POLA1: variants seen among roughly 807,000 people sequenced by gnomAD.
POLA1 encodes DNA polymerase alpha catalytic subunit.
A neutral mutation model predicts 124.0 loss-of-function variants in POLA1; 15 were observed. The observed-to-expected ratio is 0.12, with a 90% CI of 0.08 to 0.19. The LOEUF (loss-of-function observed/expected upper bound fraction) is 0.19. Ranked by LOEUF, POLA1 falls within the 10% of genes least tolerant of loss-of-function variation. The probability of loss-of-function intolerance (pLI) is 1.00; values close to 1 mark genes in which losing one functional copy is unlikely to be tolerated. For missense variants in POLA1, 886 were observed against 1,103.4 expected (o/e 0.80, Z 2.79); for synonymous variants, 408 against 389.4 (o/e 1.05, Z -0.56).
Position 24,843,615 on chromosome X carries a change from A to G in POLA1, c.3985A>G (p.Thr1329Ala). Reference protein sequence around the residue: ...IDCKASPLTFTVQLSNKLIMD... With the variant: ...IDCKASPLTFAVQLSNKLIMD... ...TTGTAAGGCTTCACCTCTGACCTTT[A>G]CAGTACAACTGAGCAACAAATTGAT... Residue 1329 changes from threonine (T) to alanine (A), a missense_variant, in exon 34 of 37, where the codon ACA (threonine) becomes GCA (alanine). Thr to Ala is a moderately conservative substitution (Grantham distance 58). Coordinates refer to ENST00000379068, the MANE Select transcript of POLA1 (RefSeq NM_001330360.2). 2.5e-6 allele frequency: 3 copies of G among 1,183,941 alleles called. No homozygotes were observed. Among genetic ancestry groups the G allele is most frequent in the Non-Finnish European group, 3.4e-6 (3 of 873,130 alleles).
At chrX:24,829,894 G>A (rs1389042077) in intron 32 of POLA1, among the ~76,000 whole-genome samples, 2 of 112,355 alleles carry the variant, frequency 1.8e-5, no homozygotes, top group African/African-American at 6.5e-5. Flanking sequence ...ACTGCAGCTA[G>A]TGAACTGACA....
rs11573380 is a variant in POLA1, at chrX:24,760,512, C to T, written c.2964+11520C>T. Among the ~76,000 whole-genome samples the T allele has an allele frequency of 6.8e-3, 765 of 111,969 alleles. 3 individuals carry two copies. Among genetic ancestry groups the T allele is most frequent in the African/African-American group, 0.023 (719 of 30,799 alleles). On this transcript the variant is annotated intron_variant, in intron 26 of 36. Transcript: ENST00000379068. ...TGGAAAAACCTACTTTTGGCAGCCT[C>T]GGCTGCCTGGTGGCTTTAGCATACC...
At chrX:24,864,739 TC>T (rs2046768932) in intron 34 of POLA1, among the ~76,000 whole-genome samples, 5 of 110,868 alleles carry the variant, frequency 4.5e-5, no homozygotes. Flanking sequence ...TTTTTTTTTT[TC>T]CTCTGAATCC....
chrX:24,927,026 C>T (rs900732352), intron 35 of POLA1, among the ~76,000 whole-genome samples: 5 of 108,063 alleles, frequency 4.6e-5, no homozygotes, highest in African/African-American at 1.0e-4. Context: ...TTAGTAGAGA[C>T]GGGGTTTCAC....
At chrX:24,740,278 C>T (rs1931549663) in intron 20 of POLA1, among the ~76,000 whole-genome samples, 1 of 111,687 alleles carries the variant, frequency 9.0e-6, no homozygotes, top group Non-Finnish European at 1.9e-5. Context: ...TTTAATTCCT[C>T]TCTCTGATAT....
At chrX:24,978,550 CTAT>C (rs1283604992) in intron 36 of POLA1, among the ~76,000 whole-genome samples, 1 of 112,026 alleles carries the variant, frequency 8.9e-6, no homozygotes, top group Admixed American at 9.4e-5. Context: ...GCACCAGACA[CTAT>C]TATAAGCATG....
At chrX:24,906,521 TGGG>T (rs1219127680) in intron 35 of POLA1, among the ~76,000 whole-genome samples, 4 of 97,281 alleles carry the variant, frequency 4.1e-5, no homozygotes, top group Non-Finnish European at 4.1e-5. Context: ...TTTGGGGACT[TGGG>T]GGGAAGGATG....
chrX:24,779,363 C>T (rs1257598655), intron 26 of POLA1, among the ~76,000 whole-genome samples: 1 of 112,325 alleles, frequency 8.9e-6, no homozygotes, highest in Non-Finnish European at 1.9e-5. Context: ...AGGCGTGGGC[C>T]ACCGCGCCCG....
chrX:24,714,090 A>G (rs182927751), intron 4 of POLA1, among the ~76,000 whole-genome samples: 1 of 112,664 alleles, frequency 8.9e-6, no homozygotes, highest in East Asian at 2.8e-4. Flanking sequence ...CATTTGGCCC[A>G]TGTTTTCTTG....
At chrX:24,784,179 A>G (rs1475737635) in intron 26 of POLA1, among the ~76,000 whole-genome samples, 1 of 102,107 alleles carries the variant, frequency 9.8e-6, no homozygotes, top group Non-Finnish European at 2.0e-5. Flanking sequence ...CAGCTTCCTG[A>G]GTAGCTGGGA....
At chrX:24,805,979 T>C (rs755908081) in intron 26 of POLA1, among the ~76,000 whole-genome samples, 7 of 107,465 alleles carry the variant, frequency 6.5e-5, no homozygotes, top group Non-Finnish European at 1.3e-4. Flanking sequence ...TAAAATGTGT[T>C]TCTTCAATGG....
chrX:24,987,042 T>A lies in POLA1; in HGVS notation c.4262-8763T>A, dbSNP rs2048487846. 4.5e-5 allele frequency among the ~76,000 whole-genome samples: 5 copies of A among 111,797 alleles called. No individual in the cohort carries two copies. The Admixed American group carries it at 4.8e-4, about 11-fold the overall frequency. On this transcript the variant is annotated intron_variant, in intron 36 of 36. Transcript: ENST00000379068. ...AAGGAATACAGCAAAAGCAATGAAA[T>A]GTCACTACTGAGATTAGGGTACAAA...
chrX:24,930,411 C>A, intron 35 of POLA1, 42 bp from the exon 36 acceptor site: 1 of 865,260 alleles, frequency 1.2e-6, no homozygotes, highest in Non-Finnish European at 1.7e-6. Flanking sequence ...TCGCTTCCCC[C>A]TCCCCAGTAG....
intron 34 of POLA1, among the ~76,000 whole-genome samples, chrX:24,880,788 C>G (rs2046991844): frequency 9.0e-6 from 1 of 111,606 alleles, no homozygotes; most frequent in African/African-American, 3.3e-5. Flanking sequence ...CAAGGGAACC[C>G]CGGAACATTT....
intron 36 of POLA1, among the ~76,000 whole-genome samples, chrX:24,934,725 C>T (rs2047827135): frequency 9.0e-6 from 1 of 111,548 alleles, no homozygotes; most frequent in Admixed American, 9.5e-5. Context: ...GTTGGTCTCT[C>T]CCCAACTTTT....
intron 36 of POLA1, among the ~76,000 whole-genome samples, chrX:24,964,724 G>A (rs1448135731): frequency 8.9e-6 from 1 of 112,374 alleles, no homozygotes. Flanking sequence ...TAATTCCATA[G>A]GCAATTAATA....
chrX:24,995,056 CAAAAAAAAAAAAAGA>C (rs1204253847), intron 36 of POLA1, among the ~76,000 whole-genome samples: 3 of 76,702 alleles, frequency 3.9e-5, no homozygotes, highest in Non-Finnish European at 7.7e-5. Flanking sequence ...ACCTCTGTCT[CAAAAAAAAAAAAAGA>C]AAGAAAAAAA....
chrX:24,954,087 T>G (rs113526653), intron 36 of POLA1, among the ~76,000 whole-genome samples: 1,221 of 112,336 alleles, frequency 0.011, 18 homozygotes, highest in African/African-American at 0.038. Flanking sequence ...CTGGAGAACC[T>G]TCCACATTAG....
chrX:24,991,196 T>TC (rs764127266), intron 36 of POLA1, among the ~76,000 whole-genome samples: 26 of 99,732 alleles, frequency 2.6e-4, no homozygotes, highest in East Asian at 6.5e-4. Flanking sequence ...CTCTACAACC[T>TC]CCCCCCCCAC....
Sources: allele counts gnomAD v4.1 joint callset (sites outside exome capture counted in the v4.1 genomes callset), GRCh38; gene constraint gnomAD v4.1.1; transcripts MANE v1.5; gene names NCBI Gene and HGNC (gene_info 2026-07-23, HGNC 2026-07-21).